FAM149A: variants seen among roughly 807,000 people sequenced by gnomAD.
FAM149A encodes the protein protein FAM149A.
Under a neutral mutation model 78.2 loss-of-function variants are expected in FAM149A, and 71 were observed. That is an observed-to-expected ratio of 0.91 (90% confidence interval 0.75 to 1.11). The LOEUF (loss-of-function observed/expected upper bound fraction) is 1.11, where lower values mean the gene tolerates loss of function less well. Among genes scored for constraint, FAM149A ranks in the 50% least tolerant of loss-of-function variants. FAM149A has a pLI of 0.00. For missense variants in FAM149A, 1,036 were observed against 971.0 expected (o/e 1.07, Z -0.89); for synonymous variants, 446 against 410.5 (o/e 1.09, Z -1.04).
chr4:186,156,731 A>G (rs1734056688), intron 7 of FAM149A, among the ~76,000 whole-genome samples: 1 of 152,146 alleles, frequency 6.6e-6, no homozygotes, highest in Admixed American at 6.5e-5. Context: ...TTGGGAGACC[A>G]AGGCAGGAGA....
rs1491144117 is a variant in FAM149A, at chr4:186,160,154, T to TAC, written c.1575+2438_1575+2439dup. Among the ~76,000 whole-genome samples, 16 of 77,956 alleles carry TAC rather than the reference T, an allele frequency of 2.1e-4. No homozygotes were observed. In the East Asian group the frequency reaches 6.5e-3, roughly 32 times the overall value. 51.1% of individuals were successfully genotyped at this position (77,956 alleles called of 152,430 possible). ...CCAAACACATACCACATACACACAC[T>TAC]ACACGCACACACACCACACACCAAA... On this transcript the variant is annotated intron_variant, in intron 8 of 13. Coordinates refer to ENST00000389354, the MANE Select transcript of FAM149A (RefSeq NM_001367768.3).
At chr4:186,125,992 A>G in intron 1 of FAM149A, 2 of 985,318 alleles carry the variant, frequency 2.0e-6, no homozygotes, top group Non-Finnish European at 2.4e-6. Flanking sequence ...ACAGGCCCCA[A>G]ATTCTAACCT....
At position 186,136,960 on chromosome 4, in the gene FAM149A, CTCTTTCTCTCTCTCTT is replaced by C. The variant is rs768949987; in HGVS notation, c.567-12209_567-12194del. On this transcript the variant is annotated intron_variant, in intron 1 of 13. Transcript: ENST00000389354. ...GATCTCTCTCTCTCTCTCTCTCTCT[CTCTTTCTCTCTCTCTT>C]TCTCTCTCTCTCTCTCTCTCTCTCT... Among the ~76,000 whole-genome samples, 103 of 102,646 alleles carry C rather than the reference CTCTTTCTCTCTCTCTT, an allele frequency of 1.0e-3. 1 individual carries two copies. The highest frequency in any genetic ancestry group is 1.5e-3 in the African/African-American group (35 of 22,918). The allele number at this position is 102,646 out of a possible 152,430, so 67.3% of individuals were successfully genotyped here.
At chr4:186,153,892 G>A in intron 5 of FAM149A, 122 bp downstream of exon 5, 1 of 1,070,744 alleles carries the variant, frequency 9.3e-7, no homozygotes, top group Non-Finnish European at 1.4e-6. Flanking sequence ...TTCTGATGAA[G>A]GGCAGGTACA....
At chr4:186,170,065 T>A (rs1287105426) in intron 13 of FAM149A, among the ~76,000 whole-genome samples, 1 of 152,224 alleles carries the variant, frequency 6.6e-6, no homozygotes, top group African/African-American at 2.4e-5. Flanking sequence ...TCAGGCTGGC[T>A]TTTCTTCCTT....
intron 1 of FAM149A, among the ~76,000 whole-genome samples, 174 bp from the exon 2 acceptor site, chr4:186,148,999 G>GGT (rs70964919): frequency 0.11 from 16,150 of 147,930 alleles, 902 homozygotes; most frequent in East Asian, 0.23. Context: ...ATCAGGATGG[G>GGT]GTGTGTGTGT....
chr4:186,126,321 A>G (rs2099318314), intron 1 of FAM149A, among the ~76,000 whole-genome samples: 1 of 152,116 alleles, frequency 6.6e-6, no homozygotes, highest in African/African-American at 2.4e-5. Context: ...TGGTGGTGTG[A>G]CGGTCAATTT....
At position 186,105,580 on chromosome 4, in the gene FAM149A, C is replaced by T; in HGVS notation, c.504C>T (p.Phe168=). The T allele has an allele frequency of 3.7e-6, 4 of 1,069,838 alleles. No individual in the cohort carries two copies. Among genetic ancestry groups the T allele is most frequent in the Non-Finnish European group, 4.6e-6 (4 of 878,088 alleles). The allele number at this position is 1,069,838 out of a possible 1,614,324, so 66.3% of individuals were successfully genotyped here. ...CCGGGGCTGGCCCCAGAACCCTGTT[C>T]CTTACGCTGCCTGACATCGGCGAGG... Residue 168 remains phenylalanine (F), a synonymous_variant, in exon 1 of 14, where the codon TTC becomes TTT. Coordinates refer to ENST00000389354, the MANE Select transcript of FAM149A (RefSeq NM_001367768.3).
intron 1 of FAM149A, among the ~76,000 whole-genome samples, chr4:186,139,699 G>A (rs1370188838): frequency 6.6e-6 from 1 of 152,198 alleles, no homozygotes; most frequent in Non-Finnish European, 1.5e-5. Context: ...TGTCATAGCA[G>A]CCCAGATGGA....
At position 186,157,532 on chromosome 4, in the gene FAM149A, T is replaced by C. The variant is rs766777592; in HGVS notation, c.1421-33T>C. On this transcript the variant is annotated intron_variant, in intron 7 of 13. Transcript: ENST00000389354. ...AGTATTTGTATTAGATAATCTGATG[T>C]TTCTTGTAATATTGATTCTTCTGTT... 10 of 1,600,262 alleles carry C rather than the reference T, an allele frequency of 6.2e-6. No homozygotes were observed. The African/African-American group carries it at 1.3e-4, about 21-fold the overall frequency.
intron 9 of FAM149A, 113 bp downstream of exon 9, chr4:186,163,061 T>C: frequency 1.4e-6 from 1 of 699,884 alleles, no homozygotes; most frequent in Non-Finnish European, 2.5e-6. Context: ...AATCCCGTGC[T>C]TCAGATGTGC....
At chr4:186,167,577 T>G (rs992713501) in intron 13 of FAM149A, 11 of 365,008 alleles carry the variant, frequency 3.0e-5, no homozygotes, top group Middle Eastern at 8.6e-4. Context: ...TATAGCGTTT[T>G]CATGCTCTAT....
At chr4:186,124,092 A>G in intron 1 of FAM149A, 2 of 984,662 alleles carry the variant, frequency 2.0e-6, no homozygotes, top group Non-Finnish European at 2.4e-6. Flanking sequence ...ATCCCCAAAG[A>G]GGTGTATCCT....
At chr4:186,163,706 A>G in intron 10 of FAM149A, 73 bp downstream of exon 10, 1 of 1,102,194 alleles carries the variant, frequency 9.1e-7, no homozygotes, top group Non-Finnish European at 1.4e-6. Flanking sequence ...GGGTTTATGG[A>G]TCATCCTGGA....
At chr4:186,166,887 C>T (rs905875659) in intron 11 of FAM149A, 81 bp from the exon 12 acceptor site, 141 of 1,414,910 alleles carry the variant, frequency 1.0e-4, no homozygotes, top group Admixed American at 1.8e-4. Context: ...GATGAGTGAA[C>T]GATTGAGCAT....
intron 1 of FAM149A, among the ~76,000 whole-genome samples, chr4:186,141,742 T>A (rs566905695): frequency 3.3e-5 from 5 of 152,200 alleles, no homozygotes; most frequent in South Asian, 4.2e-4. Context: ...AAAGGTGAAA[T>A]CAAAGGTTTG....
At chr4:186,155,063 C>A (rs187796902) in intron 6 of FAM149A, 1 of 355,086 alleles carries the variant, frequency 2.8e-6, no homozygotes, top group Non-Finnish European at 3.9e-6. Flanking sequence ...CCCGGGTTCA[C>A]GCCATTCTCC....
intron 13 of FAM149A, among the ~76,000 whole-genome samples, chr4:186,168,499 G>A (rs976710267): frequency 1.3e-5 from 2 of 152,198 alleles, no homozygotes; most frequent in African/African-American, 4.8e-5. Flanking sequence ...GGGATTACAG[G>A]CACATGCCAC....
At chr4:186,147,955 TTC>T (rs1236124937) in intron 1 of FAM149A, among the ~76,000 whole-genome samples, 2 of 152,236 alleles carry the variant, frequency 1.3e-5, no homozygotes, top group African/African-American at 2.4e-5. Context: ...AATTCTATTA[TTC>T]TCTCTTGCAT....
Sources: allele counts gnomAD v4.1 joint callset (sites outside exome capture counted in the v4.1 genomes callset), GRCh38; gene constraint gnomAD v4.1.1; transcripts MANE v1.5; gene names NCBI Gene and HGNC (gene_info 2026-07-23, HGNC 2026-07-21).